The following BBS4 variants were observed in gnomAD, a reference collection of about 807,000 sequenced individuals.
BBS4 encodes Bardet-Biedl syndrome 4.
BBS4 carries 58 observed loss-of-function variants against 71.4 expected under a neutral mutation model. The ratio of observed to expected loss-of-function variants is 0.81; its 90% confidence interval spans 0.66 to 1.01. The LOEUF is 1.01. Among genes scored for constraint, BBS4 ranks in the 50% least tolerant of loss-of-function variants. The pLI is 0.00. For missense variants in BBS4, 660 were observed against 607.9 expected (o/e 1.09, Z -0.90); for synonymous variants, 228 against 216.8 (o/e 1.05, Z -0.46).
rs766266805 is a variant in BBS4, at chr15:72,735,851, A to T, written c.1133A>T (p.Tyr378Phe). 1 of 1,614,172 alleles carries T rather than the reference A, an allele frequency of 6.2e-7. No homozygotes were observed. The highest frequency in any genetic ancestry group is 8.5e-7 in the Non-Finnish European group (1 of 1,180,028). ...DKCNPLVNLN[Y>F]AVLLYNQGEK... Reference sequence around the variant, plus strand: ...TGTAACCCTTTAGTAAACCTGAACTATGCTGTGCTGCTGTACAACCAGGGC... The same window carrying T: ...TGTAACCCTTTAGTAAACCTGAACTTTGCTGTGCTGCTGTACAACCAGGGC... Residue 378 changes from tyrosine (Y) to phenylalanine (F), a missense_variant, in exon 14 of 16, where the codon TAT becomes TTT. Transcript: ENST00000268057.
chr15:72,735,480 G>A, intron 13 of BBS4: 1 of 519,938 alleles, frequency 1.9e-6, no homozygotes, highest in Non-Finnish European at 3.5e-6. Flanking sequence ...ATATCAGATG[G>A]GACTCTGGGC....
chr15:72,708,931 G>A (rs2065315236), intron 2 of BBS4, among the ~76,000 whole-genome samples: 1 of 152,146 alleles, frequency 6.6e-6, no homozygotes, highest in African/African-American at 2.4e-5. Flanking sequence ...TGTTTAAGAT[G>A]TTTATCAAGA....
intron 10 of BBS4, among the ~76,000 whole-genome samples, chr15:72,731,065 CTTTTTTTTT>C (rs35004414): frequency 6.4e-5 from 5 of 77,606 alleles, no homozygotes; most frequent in African/African-American, 1.7e-4. Context: ...AACATTTTAT[CTTTTTTTTT>C]TTTTTTTTTT....
intron 2 of BBS4, among the ~76,000 whole-genome samples, chr15:72,699,725 A>G (rs1039348231): frequency 6.6e-6 from 1 of 152,176 alleles, no homozygotes; most frequent in African/African-American, 2.4e-5. Context: ...ACTTCACACA[A>G]AGGGAGCCAT....
chr15:72,697,693 T>C (rs1220144084), intron 2 of BBS4, among the ~76,000 whole-genome samples: 2 of 152,210 alleles, frequency 1.3e-5, no homozygotes, highest in African/African-American at 2.4e-5. Context: ...TTTGAACAAG[T>C]AGCAATTGGA....
chr15:72,697,753 C>G (rs913912460), intron 2 of BBS4, among the ~76,000 whole-genome samples: 7 of 152,302 alleles, frequency 4.6e-5, no homozygotes, highest in African/African-American at 1.7e-4. Context: ...CTCTTTCCTC[C>G]TCAGCTTGAG....
rs918721854 is a variant in BBS4, at chr15:72,689,040, AAG to A, written c.24+2793_24+2794del. ...CTAAACTCAGAAAGAAAAAAAAAAAAAGAGAATGTTACGACTAATTGACTTGG... is the reference window on the plus strand; with the variant it reads ...CTAAACTCAGAAAGAAAAAAAAAAAAAGAATGTTACGACTAATTGACTTGG... On this transcript the variant is annotated intron_variant, in intron 1 of 15. Transcript: ENST00000268057. Among the ~76,000 whole-genome samples, 7 of 152,140 alleles carry A rather than the reference AAG, an allele frequency of 4.6e-5. No homozygotes were observed. The East Asian group carries it at 1.2e-3, about 25-fold the overall frequency.
intron 12 of BBS4, among the ~76,000 whole-genome samples, chr15:72,733,681 C>T (rs191333419): frequency 6.6e-6 from 1 of 152,266 alleles, no homozygotes; most frequent in African/African-American, 2.4e-5. Context: ...CATTGATGGG[C>T]ATTTAGGTTG....
intron 4 of BBS4, among the ~76,000 whole-genome samples, chr15:72,713,314 G>GACACAC (rs36072427): frequency 0.35 from 50,586 of 143,152 alleles, 9,526 homozygotes; most frequent in Non-Finnish European, 0.43. Flanking sequence ...AGGTCTTTGT[G>GACACAC]ACACACACAC....
chr15:72,694,513 G>T (rs976524391), intron 1 of BBS4, among the ~76,000 whole-genome samples: 6 of 152,178 alleles, frequency 3.9e-5, no homozygotes, highest in Non-Finnish European at 8.8e-5. Flanking sequence ...CTGCTTTTAA[G>T]AGCTGCTTCT....
chr15:72,710,919 T>A (rs1313626356), intron 3 of BBS4, among the ~76,000 whole-genome samples: 1 of 151,482 alleles, frequency 6.6e-6, no homozygotes, highest in Non-Finnish European at 1.5e-5. Context: ...GCCTCCCAAG[T>A]CGCTGGGATT....
chr15:72,698,778 A>G (rs2065121614), intron 2 of BBS4, among the ~76,000 whole-genome samples: 1 of 152,176 alleles, frequency 6.6e-6, no homozygotes. Context: ...CTACAGACTA[A>G]TTACTGTGTA....
chr15:72,731,830 T>G, intron 12 of BBS4, 104 bp downstream of exon 12: 1 of 1,360,434 alleles, frequency 7.4e-7, no homozygotes, highest in Non-Finnish European at 1.0e-6. Context: ...GCCATTCCCT[T>G]AGAGATCCTG....
intron 2 of BBS4, among the ~76,000 whole-genome samples, chr15:72,695,457 T>G (rs1044045285): frequency 6.6e-5 from 10 of 151,888 alleles, no homozygotes; most frequent in Non-Finnish European, 1.3e-4. Flanking sequence ...CTGGCTAACT[T>G]TTGTGTTTTA....
chr15:72,701,134 C>G (rs117926418), intron 2 of BBS4, among the ~76,000 whole-genome samples: 3,956 of 152,264 alleles, frequency 0.026, 55 homozygotes, highest in Non-Finnish European at 0.036. Flanking sequence ...TTAACCACCC[C>G]TCCCAAAGGT....
chr15:72,715,646 A>C (rs1203827701), intron 5 of BBS4, among the ~76,000 whole-genome samples: 1 of 152,222 alleles, frequency 6.6e-6, no homozygotes, highest in Non-Finnish European at 1.5e-5. Context: ...ATGGGGGACC[A>C]ATATTGTTTA....
intron 2 of BBS4, among the ~76,000 whole-genome samples, chr15:72,700,071 C>G (rs910726241): frequency 4.6e-5 from 7 of 152,158 alleles, no homozygotes; most frequent in African/African-American, 1.7e-4. Flanking sequence ...TCCTGAGTAG[C>G]TGGGACTATA....
chr15:72,712,453 G>A (rs2065391670), intron 4 of BBS4, 146 bp downstream of exon 4: 2 of 796,216 alleles, frequency 2.5e-6, no homozygotes, highest in Non-Finnish European at 4.2e-6. Flanking sequence ...GTGTTGTTAG[G>A]CAATTTTGTC....
At chr15:72,716,526 T>G (rs992906262) in intron 5 of BBS4, among the ~76,000 whole-genome samples, 3 of 152,172 alleles carry the variant, frequency 2.0e-5, no homozygotes, top group African/African-American at 7.2e-5. Flanking sequence ...GAAGAAAAAT[T>G]CCACAAGACT....
Sources: allele counts gnomAD v4.1 joint callset (sites outside exome capture counted in the v4.1 genomes callset), GRCh38; gene constraint gnomAD v4.1.1; transcripts MANE v1.5; gene names NCBI Gene and HGNC (gene_info 2026-07-23, HGNC 2026-07-21).